The following TTC7A variants were observed in gnomAD, a reference collection of about 807,000 sequenced individuals.
TTC7A encodes the protein tetratricopeptide repeat domain 7A.
TTC7A carries 110 observed loss-of-function variants against 103.7 expected under a neutral mutation model. The observed-to-expected ratio is 1.06, with a 90% CI of 0.91 to 1.24. The LOEUF (loss-of-function observed/expected upper bound fraction) is 1.24, where lower values mean the gene tolerates loss of function less well. TTC7A is among the 50% of genes most tolerant of loss of function. The pLI is 0.00. For synonymous variants in TTC7A, 521 were observed against 467.9 expected (o/e 1.11, Z -1.47); for missense variants, 1,340 against 1,116.3 (o/e 1.20, Z -2.86).
intron 3 of TTC7A, among the ~76,000 whole-genome samples, chr2:46,964,213 C>G (rs1000808821): frequency 1.3e-5 from 2 of 152,210 alleles, no homozygotes; most frequent in African/African-American, 4.8e-5. Context: ...TGAGCCTGAA[C>G]TTGAGGATGA....
chr2:46,996,659 G>C (rs1024065384), intron 8 of TTC7A, among the ~76,000 whole-genome samples: 4 of 152,220 alleles, frequency 2.6e-5, no homozygotes, highest in Non-Finnish European at 5.9e-5. Context: ...TGGCCAGGGT[G>C]TTGCCCTAAA....
chr2:46,988,527 G>T (rs1024871950), intron 5 of TTC7A, among the ~76,000 whole-genome samples: 1 of 152,222 alleles, frequency 6.6e-6, no homozygotes, highest in Non-Finnish European at 1.5e-5. Context: ...ACTAGTATCT[G>T]TTTAGGTTCC....
chr2:47,071,628 G>C (rs1684725576), intron 19 of TTC7A, among the ~76,000 whole-genome samples: 1 of 152,194 alleles, frequency 6.6e-6, no homozygotes, highest in African/African-American at 2.4e-5. Flanking sequence ...GCACTTGTCA[G>C]TGGCAGAGCT....
intron 3 of TTC7A, among the ~76,000 whole-genome samples, chr2:46,964,397 C>T (rs942028367): frequency 5.3e-5 from 8 of 152,096 alleles, no homozygotes; most frequent in African/African-American, 1.9e-4. Flanking sequence ...CCAGGTGGGC[C>T]CCATGAGAGG....
chr2:47,006,434 C>T (rs1677395583), intron 9 of TTC7A, among the ~76,000 whole-genome samples: 1 of 152,164 alleles, frequency 6.6e-6, no homozygotes, highest in Non-Finnish European at 1.5e-5. Flanking sequence ...GAACTGAGGG[C>T]CTGAGAGGGT....
At chr2:47,056,701 A>G (rs1378888460) in intron 18 of TTC7A, among the ~76,000 whole-genome samples, 2 of 152,220 alleles carry the variant, frequency 1.3e-5, no homozygotes, top group Non-Finnish European at 2.9e-5. Flanking sequence ...GCCTGCCGAG[A>G]GAAAGCACAG....
chr2:47,026,771 C>T (rs1463234413), intron 14 of TTC7A, among the ~76,000 whole-genome samples: 1 of 152,182 alleles, frequency 6.6e-6, no homozygotes, highest in Admixed American at 6.5e-5. Flanking sequence ...CATAGTGTCT[C>T]ATCTTCATGG....
At chr2:47,043,269 G>A (rs545880421) in intron 15 of TTC7A, among the ~76,000 whole-genome samples, 4 of 152,336 alleles carry the variant, frequency 2.6e-5, no homozygotes, top group Admixed American at 2.0e-4. Context: ...CTAGAGGCAA[G>A]CCAGCAGAGG....
intron 2 of TTC7A, among the ~76,000 whole-genome samples, chr2:46,924,906 C>T (rs1441373177): frequency 6.6e-6 from 1 of 152,210 alleles, no homozygotes; most frequent in Non-Finnish European, 1.5e-5. Flanking sequence ...GGATTATGAG[C>T]GTGAGCCAGC....
chr2:47,047,820 C>G (rs563673291), intron 16 of TTC7A, among the ~76,000 whole-genome samples: 43 of 152,354 alleles, frequency 2.8e-4, no homozygotes, highest in African/African-American at 9.4e-4. Context: ...AAGCACCTCT[C>G]CTTGGCTGCC....
intron 8 of TTC7A, among the ~76,000 whole-genome samples, chr2:46,996,554 G>C (rs1676206840): frequency 6.6e-6 from 1 of 152,176 alleles, no homozygotes; most frequent in African/African-American, 2.4e-5. Context: ...TGGCCTGTGG[G>C]GCAGAGGGAT....
At position 46,956,818 on chromosome 2, in the gene TTC7A, A is replaced by C. The variant is rs1051482068; in HGVS notation, c.349-21A>C. 2.5e-6 allele frequency: 4 copies of C among 1,613,596 alleles called. No individual in the cohort carries two copies. In the African/African-American group the frequency reaches 5.3e-5, roughly 22 times the overall value. ...AGGTAACTTTGGGGCAGGCGCTGGT[A>C]ACATGTCCTTGTCATTTCAGCCACA... On this transcript the variant is annotated intron_variant, in intron 2 of 19. Coordinates refer to ENST00000319190, the MANE Select transcript of TTC7A (RefSeq NM_020458.4).
At chr2:47,035,405 C>T (rs896767106) in intron 15 of TTC7A, 3 of 152,248 alleles carry the variant, frequency 2.0e-5, no homozygotes, top group Non-Finnish European at 4.4e-5. Context: ...TTAAGCCAGT[C>T]ATAATCACTG....
chr2:47,003,417 G>A (rs1367994461), intron 8 of TTC7A, among the ~76,000 whole-genome samples: 1 of 152,136 alleles, frequency 6.6e-6, no homozygotes, highest in Non-Finnish European at 1.5e-5. Context: ...TTGATAGAGG[G>A]AACTGCAGCA....
At chr2:47,072,259 C>G (rs922310044) in intron 19 of TTC7A, among the ~76,000 whole-genome samples, 2 of 152,210 alleles carry the variant, frequency 1.3e-5, no homozygotes, top group African/African-American at 2.4e-5. Context: ...CTGTCCTCCC[C>G]TGGCCTCTGC....
intron 15 of TTC7A, 151 bp from the exon 16 acceptor site, chr2:47,046,164 C>T (rs1304586086): frequency 1.5e-6 from 1 of 658,860 alleles, no homozygotes; most frequent in Non-Finnish European, 2.7e-6. Flanking sequence ...GCAAGCGGTC[C>T]AGGGGCATGG....
At chr2:46,925,269 T>C (rs1196951336) in intron 2 of TTC7A, among the ~76,000 whole-genome samples, 3 of 152,162 alleles carry the variant, frequency 2.0e-5, no homozygotes, top group African/African-American at 7.2e-5. Flanking sequence ...TTTTTAACAA[T>C]ATGTTGAGCT....
At chr2:47,015,895 A>G (rs186410156) in intron 11 of TTC7A, among the ~76,000 whole-genome samples, 15 of 152,220 alleles carry the variant, frequency 9.9e-5, no homozygotes, top group East Asian at 3.9e-4. Flanking sequence ...GGAGAAAAAA[A>G]GGGGATTTTT....
At chr2:46,946,806 T>C (rs1670981908) in intron 1 of TTC7A, among the ~76,000 whole-genome samples, 2 of 152,010 alleles carry the variant, frequency 1.3e-5, no homozygotes, top group South Asian at 4.1e-4. Context: ...TTGAGAATAG[T>C]TGGATGGAAA....
Sources: allele counts gnomAD v4.1 joint callset (sites outside exome capture counted in the v4.1 genomes callset), GRCh38; gene constraint gnomAD v4.1.1; transcripts MANE v1.5; gene names NCBI Gene and HGNC (gene_info 2026-07-23, HGNC 2026-07-21).